KHDC1: variants seen among roughly 807,000 people sequenced by gnomAD.
The protein encoded by KHDC1 is KH domain containing 1.
Under a neutral mutation model 24.7 loss-of-function variants are expected in KHDC1, and 21 were observed. The observed-to-expected ratio is 0.85, with a 90% CI of 0.60 to 1.23. KHDC1 has a LOEUF of 1.23. Among genes scored for constraint, KHDC1 ranks in the 50% most tolerant of loss-of-function variants. The pLI, the probability that KHDC1 is intolerant of heterozygous loss-of-function variation, is 0.00. For missense variants in KHDC1, 274 were observed against 298.5 expected (o/e 0.92, Z 0.61); for synonymous variants, 98 against 111.7 (o/e 0.88, Z 0.77).
intron 2 of KHDC1, among the ~76,000 whole-genome samples, chr6:73,247,193 G>C (rs1766683808): frequency 6.6e-6 from 1 of 151,890 alleles, no homozygotes; most frequent in Non-Finnish European, 1.5e-5. Flanking sequence ...GGCCAGGCTG[G>C]TCTCGAACTC....
At chr6:73,285,467 G>C (rs1767501521) in intron 2 of KHDC1, among the ~76,000 whole-genome samples, 1 of 151,866 alleles carries the variant, frequency 6.6e-6, no homozygotes, top group Non-Finnish European at 1.5e-5. Context: ...AAGTAGCTGA[G>C]ATTACAGGCA....
chr6:73,258,100 C>T (rs888008935), intron 2 of KHDC1, among the ~76,000 whole-genome samples: 19 of 152,170 alleles, frequency 1.2e-4, no homozygotes, highest in Admixed American at 9.8e-4. Context: ...TACTAAAATA[C>T]AAAAATTAGC....
At chr6:73,272,001 C>CTTTAT (rs1767188011) in intron 2 of KHDC1, among the ~76,000 whole-genome samples, 6 of 145,088 alleles carry the variant, frequency 4.1e-5, no homozygotes, top group African/African-American at 1.5e-4. Context: ...AGTGTAATCC[C>CTTTAT]ATTTAAAAAA....
At chr6:73,280,579 G>A (rs916259322) in intron 2 of KHDC1, among the ~76,000 whole-genome samples, 1 of 141,804 alleles carries the variant, frequency 7.1e-6, no homozygotes, top group Non-Finnish European at 1.5e-5. Flanking sequence ...GGAGTACAAT[G>A]GCATAATCTC....
chr6:73,307,464 A>C (rs1767986520), intron 1 of KHDC1, among the ~76,000 whole-genome samples: 1 of 152,122 alleles, frequency 6.6e-6, no homozygotes, highest in Admixed American at 6.6e-5. Context: ...AAATAAAATC[A>C]TTAGAGCATT....
At chr6:73,251,014 A>G (rs574646574) in intron 2 of KHDC1, among the ~76,000 whole-genome samples, 2 of 152,146 alleles carry the variant, frequency 1.3e-5, no homozygotes, top group African/African-American at 4.8e-5. Context: ...TAGTAGAGAC[A>G]GGTTTTGCTA....
At chr6:73,250,967 G>A (rs1245510778) in intron 2 of KHDC1, among the ~76,000 whole-genome samples, 7 of 152,092 alleles carry the variant, frequency 4.6e-5, no homozygotes, top group Non-Finnish European at 1.0e-4. Flanking sequence ...AGCCTCCCGA[G>A]TAGCTGGGAT....
At chr6:73,276,564 G>A (rs1767303975) in intron 2 of KHDC1, 1 of 151,888 alleles carries the variant, frequency 6.6e-6, no homozygotes, top group African/African-American at 2.4e-5. Flanking sequence ...CTAATTGGAA[G>A]GCTGAGGTGG....
chr6:73,271,442 C>A (rs189709818), intron 2 of KHDC1, among the ~76,000 whole-genome samples: 482 of 151,124 alleles, frequency 3.2e-3, no homozygotes, highest in Non-Finnish European at 5.5e-3. Context: ...CTCCTGACCT[C>A]GTGATCCACC....
intron 2 of KHDC1, among the ~76,000 whole-genome samples, chr6:73,265,288 G>A (rs190293091): frequency 5.0e-4 from 76 of 152,204 alleles, no homozygotes; most frequent in Admixed American, 1.3e-3. Context: ...GAAGGAATTC[G>A]GTGTACAGAA....
chr6:73,279,575 A>ATTTTTTTTTTTTTTTTTTT (rs560281126), intron 2 of KHDC1, among the ~76,000 whole-genome samples: 1 of 98,312 alleles, frequency 1.0e-5, no homozygotes, highest in Non-Finnish European at 2.0e-5. Context: ...GGGACCATGG[A>ATTTTTTTTTTTTTTTTTTT]TTTTTTTTTT....
chr6:73,248,057 T>C (rs1766701061), intron 2 of KHDC1, among the ~76,000 whole-genome samples: 1 of 151,714 alleles, frequency 6.6e-6, no homozygotes, highest in African/African-American at 2.4e-5. Context: ...TGGAGAGAAA[T>C]GTGAATGCCT....
intron 2 of KHDC1, among the ~76,000 whole-genome samples, chr6:73,254,894 C>A (rs149726776): frequency 0.015 from 2,299 of 151,854 alleles, 26 homozygotes; most frequent in East Asian, 0.057. Context: ...CCTAGCTACT[C>A]GGGAGGCTGA....
In KHDC1 at chr6:73,245,813, T is replaced by C. The variant is rs111730316; in HGVS notation, c.207-3283A>G. On this transcript the variant is annotated intron_variant, in intron 2 of 4. Coordinates refer to ENST00000370384, the Ensembl canonical transcript of KHDC1. ...ACGTTGGAATTCCTTAAGTCCAGAA[T>C]AACAGTCGGGCAATTTTATCAGCAA... Among the ~76,000 whole-genome samples the C allele has an allele frequency of 9.3e-3, 1,412 of 152,272 alleles. 26 individuals are homozygous for C. The highest frequency in any genetic ancestry group is 0.032 in the African/African-American group (1,332 of 41,538).
intron 2 of KHDC1, among the ~76,000 whole-genome samples, chr6:73,262,209 T>G (rs1372107946): frequency 6.6e-6 from 1 of 152,114 alleles, no homozygotes. Flanking sequence ...AAACCAGAGG[T>G]GATAATAGTA....
In KHDC1 at chr6:73,273,314, C is replaced by T. The variant is rs1386504415; in HGVS notation, c.206+18684G>A. Among the ~76,000 whole-genome samples, 16 of 150,838 alleles carry T rather than the reference C, an allele frequency of 1.1e-4. No individual in the cohort carries two copies. The East Asian group carries it at 2.2e-3, about 21-fold the overall frequency. ...TCCCAAGTAGCTGGGATTACAGGCA[C>T]GTGCCACAACGCCCAGCTAATTTTT... is the stretch of plus-strand genomic sequence containing the variant. On this transcript the variant is annotated intron_variant, in intron 2 of 4. Transcript: ENST00000370384.
At chr6:73,263,920 T>C (rs1028119499) in intron 2 of KHDC1, among the ~76,000 whole-genome samples, 3 of 152,176 alleles carry the variant, frequency 2.0e-5, no homozygotes, top group South Asian at 2.1e-4. Flanking sequence ...AAGGTCGGGC[T>C]GGGCACAGTG....
At chr6:73,270,295 G>A (rs903971248) in intron 2 of KHDC1, 1 of 151,978 alleles carries the variant, frequency 6.6e-6, no homozygotes, top group African/African-American at 2.4e-5. Flanking sequence ...TTGAAGTATT[G>A]TACTATTTAG....
In KHDC1 at chr6:73,292,478, C is replaced by T. The variant is rs144305817; in HGVS notation, c.164-438G>A. 827 of 771,714 alleles carry T rather than the reference C, an allele frequency of 1.1e-3. 18 individuals carry two copies. The East Asian group carries it at 0.02, about 19-fold the overall frequency. The allele number at this position is 771,714 out of a possible 1,614,324, so 47.8% of individuals were successfully genotyped here. On this transcript the variant is annotated intron_variant, in intron 1 of 4. Transcript: ENST00000370384. The stretch of plus-strand genomic sequence containing the variant: ...TGCTGTAAGTTCACTCTGGGGAAAG[C>T]TGGCCTCTGAAATCTTAAAGCAGAA...
Sources: allele counts gnomAD v4.1 joint callset (sites outside exome capture counted in the v4.1 genomes callset), GRCh38; gene constraint gnomAD v4.1.1; transcripts MANE v1.5; gene names NCBI Gene and HGNC (gene_info 2026-07-23, HGNC 2026-07-21).